Variants in GLIS3 observed in about 807,000 individuals in gnomAD.
GLIS3 encodes zinc finger protein GLIS3.
GLIS3 carries 53 observed loss-of-function variants against 78.6 expected under a neutral mutation model. The ratio of observed to expected loss-of-function variants is 0.67; its 90% CI spans 0.54 to 0.85. GLIS3 has a LOEUF of 0.85. Among genes scored for constraint, GLIS3 ranks in the 40% least tolerant of loss-of-function variants. The pLI is 0.00. For missense variants in GLIS3, 1,703 were observed against 1,231.1 expected, an observed-to-expected ratio of 1.38 and a Z score of -5.74; for synonymous variants, 684 against 509.9, an observed-to-expected ratio of 1.34 and a Z score of -4.60.
intron 2 of GLIS3, among the ~76,000 whole-genome samples, chr9:4,272,189 C>T (rs1409625982): frequency 2.6e-5 from 4 of 152,136 alleles, no homozygotes; most frequent in African/African-American, 4.8e-5. Context: ...AAGCAAGTTG[C>T]GAATGGCACT....
intron 2 of GLIS3, among the ~76,000 whole-genome samples, chr9:4,320,454 A>T (rs2130544861): frequency 6.6e-6 from 1 of 152,304 alleles, no homozygotes; most frequent in East Asian, 1.9e-4. Context: ...GCCAAGCCAG[A>T]AACTTAGGGA....
rs182123069 is a variant in GLIS3 at position 4,062,623 on chromosome 9, T to A, written c.1710+55145A>T. ...CCCCATAATTGCTGTGAAGATGAAA[T>A]AGCATATGTAAGAATGTGAAGTGGC... On this transcript the variant is annotated intron_variant, in intron 4 of 10. Transcript: ENST00000381971. 1.5e-4 allele frequency among the ~76,000 whole-genome samples: 23 copies of A among 152,242 alleles called. No homozygotes were observed. In the East Asian group the frequency reaches 4.1e-3, roughly 27 times the overall value.
chr9:4,416,653 T>G, the GLIS3 span, among the ~76,000 whole-genome samples: 8 of 152,092 alleles, frequency 5.3e-5, no homozygotes, highest in African/African-American at 1.9e-4. Flanking sequence ...ATATGAAGTA[T>G]TTGGCTGTTT....
intron 3 of GLIS3, among the ~76,000 whole-genome samples, chr9:4,309,374 T>A (rs1169059571): frequency 6.6e-6 from 1 of 152,176 alleles, no homozygotes; most frequent in African/African-American, 2.4e-5. Flanking sequence ...TTAAACAATT[T>A]CCACTTATGA....
At chr9:4,089,775 T>C (rs760218844) in intron 4 of GLIS3, among the ~76,000 whole-genome samples, 106 of 152,076 alleles carry the variant, frequency 7.0e-4, no homozygotes, top group African/African-American at 1.5e-3. Flanking sequence ...GCTACGATCA[T>C]GCCACTGCAT....
intron 2 of GLIS3, among the ~76,000 whole-genome samples, chr9:4,263,624 A>G (rs1261407723): frequency 6.6e-6 from 1 of 152,234 alleles, no homozygotes; most frequent in Non-Finnish European, 1.5e-5. Context: ...GTATGTCACC[A>G]GAGACACAGA....
Position 3,934,535 on chromosome 9 carries a change from G to A in GLIS3, c.1873-2065C>T, listed in dbSNP as rs555558092. Reference sequence around the variant, plus strand: ...AGCGATTCTCCTGCCTCAGCCTCCCGGGTAGCTGGAATTACAGGCATGTGC... The same window carrying A: ...AGCGATTCTCCTGCCTCAGCCTCCCAGGTAGCTGGAATTACAGGCATGTGC... On this transcript the variant is annotated intron_variant, in intron 5 of 10. Coordinates refer to ENST00000381971, the MANE Select transcript of GLIS3 (RefSeq NM_001042413.2). Among the ~76,000 whole-genome samples the A allele has an allele frequency of 6.6e-5, 10 of 151,660 alleles. No individual in the cohort carries two copies. The East Asian group carries it at 1.2e-3, about 18-fold the overall frequency.
At chr9:4,454,524 G>C in the GLIS3 span, among the ~76,000 whole-genome samples, 1 of 152,292 alleles carries the variant, frequency 6.6e-6, no homozygotes, top group South Asian at 2.1e-4. Context: ...CCTACATCTT[G>C]CTGTTTCCCA....
At chr9:4,302,424 C>T (rs1817112615), upstream of GLIS3, among the ~76,000 whole-genome samples, 1 of 152,194 alleles carries the variant, frequency 6.6e-6, no homozygotes, top group African/African-American at 2.4e-5. Context: ...TCAGTGAGTA[C>T]ACACTCTGTC....
chr9:4,042,229 C>T (rs921291537), intron 4 of GLIS3, among the ~76,000 whole-genome samples: 10 of 152,208 alleles, frequency 6.6e-5, no homozygotes, highest in Middle Eastern at 3.4e-3. Flanking sequence ...CTCTGACACC[C>T]TAGTAATTCC....
chr9:3,898,502 T>C lies in GLIS3; in HGVS notation c.2128+189A>G. Reference sequence around the variant, plus strand: ...TGCATTATTTTATTTTATTTCTTTATGAGAAAAAACAATCTGCTGCCACAC... The same window carrying C: ...TGCATTATTTTATTTTATTTCTTTACGAGAAAAAACAATCTGCTGCCACAC... On this transcript the variant is annotated intron_variant, in intron 7 of 10. Coordinates refer to ENST00000381971, the MANE Select transcript of GLIS3 (RefSeq NM_001042413.2). 4.4e-6 allele frequency: 3 copies of C among 686,250 alleles called. 1 individual carries two copies. The highest frequency in any genetic ancestry group is 7.9e-6 in the Non-Finnish European group (3 of 379,806). 42.5% of individuals were successfully genotyped at this position (686,250 alleles called of 1,614,324 possible). A position where few individuals can be genotyped will look rare whatever the true frequency, so the allele number is the denominator to read the frequency against.
intron 2 of GLIS3, among the ~76,000 whole-genome samples, chr9:4,147,127 C>T (rs1052117834): frequency 6.6e-6 from 1 of 152,156 alleles, no homozygotes; most frequent in Non-Finnish European, 1.5e-5. Flanking sequence ...GAACATTATG[C>T]AGGCAATATC....
At chr9:4,176,550 G>A (rs1416646236) in intron 2 of GLIS3, among the ~76,000 whole-genome samples, 1 of 151,906 alleles carries the variant, frequency 6.6e-6, no homozygotes, top group Non-Finnish European at 1.5e-5. Flanking sequence ...TAGGGTAGGA[G>A]GAATTTTTTT....
intron 2 of GLIS3, among the ~76,000 whole-genome samples, chr9:4,343,958 A>T (rs896171987): frequency 6.6e-6 from 1 of 152,162 alleles, no homozygotes; most frequent in Non-Finnish European, 1.5e-5. Context: ...AAATCTACCT[A>T]TTAGGTACTG....
chr9:4,017,871 T>C (rs1398361143), intron 4 of GLIS3, among the ~76,000 whole-genome samples: 8 of 152,206 alleles, frequency 5.3e-5, no homozygotes, highest in Non-Finnish European at 1.2e-4. Flanking sequence ...GTCAGTTCAG[T>C]ATGTAATTGG....
chr9:4,002,005 T>C (rs761077195), intron 4 of GLIS3, among the ~76,000 whole-genome samples: 4 of 152,178 alleles, frequency 2.6e-5, no homozygotes, highest in Non-Finnish European at 4.4e-5. Context: ...CCAGACTCTG[T>C]GGATATGTTG....
intron 8 of GLIS3, among the ~76,000 whole-genome samples, chr9:3,869,121 C>A (rs750457221): frequency 9.9e-5 from 15 of 152,190 alleles, no homozygotes; most frequent in Non-Finnish European, 2.1e-4. Context: ...GGTATATAAA[C>A]ACCAGCGAAA....
chr9:3,896,570 G>A (rs190657872), intron 7 of GLIS3, among the ~76,000 whole-genome samples: 323 of 149,588 alleles, frequency 2.2e-3, no homozygotes, highest in African/African-American at 7.7e-3. Context: ...GGAGGCTGAG[G>A]CAGGAGAATT....
At chr9:3,852,028 C>T (rs1176424853) in intron 9 of GLIS3, among the ~76,000 whole-genome samples, 2 of 152,036 alleles carry the variant, frequency 1.3e-5, no homozygotes, top group Non-Finnish European at 2.9e-5. Flanking sequence ...GCCTGTAATC[C>T]CAGCTACTCA....
Sources: gnomAD v4.1 joint callset for allele counts (sites outside exome capture counted in the v4.1 genomes callset) on GRCh38, gnomAD v4.1.1 for gene constraint, MANE v1.5 for transcripts, NCBI Gene and HGNC (gene_info 2026-07-23, HGNC 2026-07-21) for gene names.